The following CELSR3 variants were observed in gnomAD, a reference collection of about 807,000 sequenced individuals.
The protein encoded by CELSR3 is cadherin EGF LAG seven-pass G-type receptor 3.
In CELSR3, 73 loss-of-function variants were observed where a neutral mutation model predicts 270.0. That is an observed-to-expected ratio of 0.27 (90% confidence interval 0.22 to 0.33). CELSR3 has a LOEUF of 0.33. Among genes scored for constraint, CELSR3 ranks in the 10% least tolerant of loss-of-function variants. CELSR3 has a pLI of 1.00. For missense variants in CELSR3, 3,614 were observed against 4,533.8 expected, an observed-to-expected ratio of 0.80 and a Z score of 5.83; for synonymous variants, 1,780 against 1,905.4, an observed-to-expected ratio of 0.93 and a Z score of 1.71.
In CELSR3 at chr3:48,647,870, G is replaced by A; in HGVS notation, c.7100C>T (p.Ser2367Phe). ...AGATGGGGATGGCCGTGGGGACTGGGAAGGCAGCAGCACATGGGTGTGAGG... is the reference window on the plus strand; with the variant it reads ...AGATGGGGATGGCCGTGGGGACTGGAAAGGCAGCAGCACATGGGTGTGAGG... ...WDPHTHVLLPSQSPRPSPSEV... is the reference protein window; with the variant it reads ...WDPHTHVLLPFQSPRPSPSEV... Residue 2367 changes from serine to phenylalanine, a missense_variant, in exon 20 of 35, where the codon TCC becomes TTC. By Grantham distance (155) the Ser-to-Phe change is radical. Transcript: ENST00000164024. 1 of 1,611,206 alleles carries A rather than the reference G, an allele frequency of 6.2e-7. No individual in the cohort carries two copies. The highest frequency in any genetic ancestry group is 8.5e-7 in the Non-Finnish European group (1 of 1,179,590).
chr3:48,638,600 CCTA>C (rs1379055821), intron 34 of CELSR3, among the ~76,000 whole-genome samples: 2 of 152,138 alleles, frequency 1.3e-5, no homozygotes, highest in Non-Finnish European at 2.9e-5. Flanking sequence ...CTTGCCTCTG[CCTA>C]AGGTCACGCA....
At position 48,640,128 on chromosome 3, in the gene CELSR3, A is replaced by G. The variant is rs766250507; in HGVS notation, c.9457T>C (p.Leu3153=). 2.5e-6 allele frequency: 4 copies of G among 1,612,126 alleles called. No homozygotes were observed. The highest frequency in any genetic ancestry group is 2.2e-5 in the South Asian group (2 of 91,082). ...CGGCGGGGCGGAGGCAGCGTGCTCA[A>G]CCACTCTCGAGGTGCCCCTAAGTCG... ...ALDLGAPREW[L]STLPPPRRTR... Residue 3153 remains leucine (L), a synonymous_variant, in exon 34 of 35, where the codon TTG becomes CTG. Coordinates refer to ENST00000164024, the MANE Select transcript of CELSR3 (RefSeq NM_001407.3). The surrounding 1 kb of genome is among the most constrained non-coding windows in gnomAD (Gnocchi z 7.5).
In CELSR3 at chr3:48,660,217, G is replaced by T. The variant is rs746335671; in HGVS notation, c.2418C>A (p.Thr806=). 6.2e-7 allele frequency: 1 copy of T among 1,614,120 alleles called. No homozygotes were observed. The highest frequency in any genetic ancestry group is 1.7e-5 in the Admixed American group (1 of 60,012). The change falls in exon 1 of 35, where the codon ACC becomes ACA. Residue 806 remains threonine, a synonymous_variant. Coordinates refer to ENST00000164024, the MANE Select transcript of CELSR3 (RefSeq NM_001407.3). This position sits in a 1 kb window ranked among gnomAD's most constrained non-coding sequence, Gnocchi z 5.5. ...GNTRNRFAIS[T]QGGVGLVTLA... ...GAGTCACCAGACCCACACCCCCCTG[G>T]GTGCTGATGGCAAAGCGATTCCGGG... is the stretch of plus-strand genomic sequence containing the variant.
In CELSR3 at chr3:48,658,899, C is replaced by G. The variant is rs372577763; in HGVS notation, c.3736G>C (p.Val1246Leu). Reference protein sequence around the residue: ...NNRPLVASMLVTVTDGLHSVT... With the variant: ...NNRPLVASMLLTVTDGLHSVT... ...CCCTGCCCCTCACCTGTGACAGTCA[C>G]CAACATGGAGGCCACCAGTGGGCGG... The change falls in exon 1 of 35, where the codon GTG becomes CTG. Residue 1246 changes from valine (V) to leucine (L), a missense_variant. Val to Leu is a conservative substitution (Grantham distance 32). Coordinates refer to ENST00000164024, the MANE Select transcript of CELSR3 (RefSeq NM_001407.3). This position sits in a 1 kb window ranked among gnomAD's most constrained non-coding sequence, Gnocchi z 4.7. 6.2e-7 allele frequency: 1 copy of G among 1,613,440 alleles called. No homozygotes were observed. Among genetic ancestry groups the G allele is most frequent in the African/African-American group, 1.3e-5 (1 of 74,930 alleles).
rs1217121769 is a variant in CELSR3, at chr3:48,658,956, C to T, written c.3679G>A (p.Glu1227Lys). The T allele has an allele frequency of 4.3e-6, 7 of 1,614,068 alleles. No homozygotes were observed. Among genetic ancestry groups the T allele is most frequent in the African/African-American group, 1.3e-5 (1 of 74,934 alleles). The change falls in exon 1 of 35, where the codon GAG becomes AAG. Residue 1227 changes from glutamate to lysine, a missense_variant. Around this residue, in one of 7 missense-constraint regions of CELSR3, gnomAD observed 1,331 missense variants for 1,933.7 expected, o/e 0.69. Coordinates refer to ENST00000164024, the MANE Select transcript of CELSR3 (RefSeq NM_001407.3). The surrounding 1 kb of genome is among the most constrained non-coding windows in gnomAD (Gnocchi z 4.7). The part of the protein sequence containing the change: ...QLLVVNQTSG[E>K]LRLSRKLDNN... ...TCTAGCTTTCGGCTGAGTCGCAGCT[C>T]CCCACTGGTCTGGTTGACTACCAGC... is the stretch of plus-strand genomic sequence containing the variant.
chr3:48,637,639 A>T lies in CELSR3; in HGVS notation c.*566T>A, dbSNP rs572270271. On this transcript the variant is annotated 3_prime_UTR_variant, in exon 35 of 35. Coordinates refer to ENST00000164024, the MANE Select transcript of CELSR3 (RefSeq NM_001407.3). ...GGAGGGGCGGTATGAGCAAGCCCCC[A>T]TGAGGAAGTCAGAGGACCCCTGTTT... The T allele has an allele frequency of 1.3e-5, 2 of 156,020 alleles. No individual in the cohort carries two copies. The highest frequency in any genetic ancestry group is 3.7e-4 in the East Asian group (2 of 5,334). 9.7% of individuals were successfully genotyped at this position (156,020 alleles called of 1,614,324 possible). A position where few individuals can be genotyped will look rare whatever the true frequency, so the allele number is the denominator to read the frequency against.
Position 48,654,580 on chromosome 3 carries a change from C to T in CELSR3, c.4989-128G>A. On this transcript the variant is annotated intron_variant, in intron 6 of 34. Transcript: ENST00000164024. The surrounding 1 kb of genome is among the most constrained non-coding windows in gnomAD (Gnocchi z 5.4). ...ATTGAGGGAGGAAAATAAGGCCGAG[C>T]TGTGGAAGGAGTTAGGATCTTACTT... The T allele has an allele frequency of 1.3e-6, 1 of 779,232 alleles. No individual in the cohort carries two copies. The highest frequency in any genetic ancestry group is 1.9e-5 in the South Asian group (1 of 52,870). The allele number at this position is 779,232 out of a possible 1,614,324, so 48.3% of individuals were successfully genotyped here.
Position 48,642,490 on chromosome 3 carries a change from A to T in CELSR3, c.8556-23T>A. 6.2e-7 allele frequency: 1 copy of T among 1,605,456 alleles called. No homozygotes were observed. The highest frequency in any genetic ancestry group is 8.5e-7 in the Non-Finnish European group (1 of 1,175,876). On this transcript the variant is annotated intron_variant, in intron 30 of 34. Transcript: ENST00000164024. This position sits in a 1 kb window ranked among gnomAD's most constrained non-coding sequence, Gnocchi z 6.1. ...TCCCTGGAAAAGCAGGAGCCCCCCC[A>T]CCATGAAAGAGGGATGTGATGGGGT...
In CELSR3 at chr3:48,659,175, T is replaced by C. The variant is rs2077045659; in HGVS notation, c.3460A>G (p.Thr1154Ala). 2 of 1,614,066 alleles carry C rather than the reference T, an allele frequency of 1.2e-6. No individual in the cohort carries two copies. Among genetic ancestry groups the C allele is most frequent in the African/African-American group, 2.7e-5 (2 of 74,920 alleles). Residue 1154 changes from threonine (T) to alanine (A), a missense_variant, in exon 1 of 35, where the codon ACT becomes GCT. This residue lies in a region of CELSR3 where 1,331 missense variants were observed against 1,933.7 expected (regional missense o/e 0.69). Coordinates refer to ENST00000164024, the MANE Select transcript of CELSR3 (RefSeq NM_001407.3). This position sits in a 1 kb window ranked among gnomAD's most constrained non-coding sequence, Gnocchi z 8.1. ...ATSAPLVSRA[T>A]VHVRLVDQND... ...TGGTCAACCAGGCGGACGTGCACAG[T>C]GGCCCGGCTGACCAAAGGAGCAGAT...
rs372480143 is a variant in CELSR3 at position 48,653,598 on chromosome 3, G to T, written c.5448+21C>A. ...AAGAGACTGAGAACTGAGGGTATAG[G>T]GGTGAGCAGGGTGGACACACCTGGC... On this transcript the variant is annotated intron_variant, in intron 9 of 34. Transcript: ENST00000164024. This position sits in a 1 kb window ranked among gnomAD's most constrained non-coding sequence, Gnocchi z 6.5. 11 of 1,611,368 alleles carry T rather than the reference G, an allele frequency of 6.8e-6. No individual in the cohort carries two copies. Among genetic ancestry groups the T allele is most frequent in the Non-Finnish European group, 9.3e-6 (11 of 1,178,216 alleles).
At position 48,653,204 on chromosome 3, in the gene CELSR3, A is replaced by G. The variant is rs765287655; in HGVS notation, c.5449-17T>C. On this transcript the variant is annotated splice_polypyrimidine_tract_variant and intron_variant, in intron 9 of 34. Coordinates refer to ENST00000164024, the MANE Select transcript of CELSR3 (RefSeq NM_001407.3). The surrounding 1 kb of genome is among the most constrained non-coding windows in gnomAD (Gnocchi z 6.5). ...CCGATCTAGCTGTGGGCAGAGATGC[A>G]TAGCCCTGGGGTTAGAGCCCCATGT... 2 of 1,611,662 alleles carry G rather than the reference A, an allele frequency of 1.2e-6. No individual in the cohort carries two copies. The highest frequency in any genetic ancestry group is 2.2e-5 in the East Asian group (1 of 44,872).
Position 48,637,936 on chromosome 3 carries a change from G to T in CELSR3, c.*269C>A. On this transcript the variant is annotated 3_prime_UTR_variant, in exon 35 of 35. Coordinates refer to ENST00000164024, the MANE Select transcript of CELSR3 (RefSeq NM_001407.3). ...CCAGCCTCAAACCCCCCAGGAGACA[G>T]AAAAGCTGAAAAATAACATAAGCAT... 1 of 415,948 alleles carries T rather than the reference G, an allele frequency of 2.4e-6. No homozygotes were observed. The allele number at this position is 415,948 out of a possible 1,614,324, so 25.8% of individuals were successfully genotyped here.
Position 48,647,838 on chromosome 3 carries a change from C to A in CELSR3, c.7129+3G>T, listed in dbSNP as rs772355565. ...GGCCCAGGGGTCCCCTAGGGGCTCT[C>A]ACCTTCAGATGGGGATGGCCGTGGG... is the stretch of plus-strand genomic sequence containing the variant. On this transcript the variant is annotated splice_donor_region_variant and intron_variant, in intron 20 of 34. Coordinates refer to ENST00000164024, the MANE Select transcript of CELSR3 (RefSeq NM_001407.3). 1.2e-6 allele frequency: 2 copies of A among 1,608,382 alleles called. No individual in the cohort carries two copies. The highest frequency in any genetic ancestry group is 1.7e-4 in the Middle Eastern group (1 of 5,958).
chr3:48,648,763 G>C lies in CELSR3; in HGVS notation c.6733C>G (p.Gln2245Glu). The C allele has an allele frequency of 6.2e-7, 1 of 1,612,878 alleles. No individual in the cohort carries two copies. Among genetic ancestry groups the C allele is most frequent in the South Asian group, 1.1e-5 (1 of 91,078 alleles). Reference protein sequence around the residue: ...AHLLAFESHQQGFGLTATQDA... With the variant: ...AHLLAFESHQEGFGLTATQDA... The stretch of plus-strand genomic sequence containing the variant: ...TGTGTGGCTGTCAGCCCGAAGCCCT[G>C]CTGATGGCTCTCGAAGGCCAGCAGG... The change falls in exon 18 of 35, where the codon CAG becomes GAG. Residue 2245 changes from glutamine to glutamate, a missense_variant. Physicochemically the swap from Gln to Glu is conservative, Grantham distance 29. Around this residue, in one of 7 missense-constraint regions of CELSR3, gnomAD observed 1,331 missense variants for 1,933.7 expected, o/e 0.69. Coordinates refer to ENST00000164024, the MANE Select transcript of CELSR3 (RefSeq NM_001407.3).
In CELSR3 at chr3:48,654,087, C is replaced by A. The variant is rs547907297; in HGVS notation, c.5153-84G>T. The A allele has an allele frequency of 7.0e-6, 11 of 1,560,572 alleles. No homozygotes were observed. The Admixed American group carries it at 1.5e-4, about 21-fold the overall frequency. On this transcript the variant is annotated intron_variant, in intron 7 of 34. Coordinates refer to ENST00000164024, the MANE Select transcript of CELSR3 (RefSeq NM_001407.3). This position sits in a 1 kb window ranked among gnomAD's most constrained non-coding sequence, Gnocchi z 5.4. The stretch of plus-strand genomic sequence containing the variant: ...GACAGGACTTTAGTGTCCAGAGGGG[C>A]TGAAAGAGACCAAGATCTCAGCCCC...
rs143958970 is a variant in CELSR3 at position 48,655,162 on chromosome 3, T to C, written c.4870A>G (p.Lys1624Glu). 258 of 1,613,914 alleles carry C rather than the reference T, an allele frequency of 1.6e-4. 2 individuals are homozygous for C. In the African/African-American group the frequency reaches 3.0e-3, roughly 19 times the overall value. Residue 1624 changes from lysine (K) to glutamate (E), a missense_variant, in exon 6 of 35, where the codon AAG becomes GAG. Around this residue, in one of 7 missense-constraint regions of CELSR3, gnomAD observed 1,331 missense variants for 1,933.7 expected, o/e 0.69. Coordinates refer to ENST00000164024, the MANE Select transcript of CELSR3 (RefSeq NM_001407.3). This position sits in a 1 kb window ranked among gnomAD's most constrained non-coding sequence, Gnocchi z 5.8. ...DALGGAQGPS[K>E]DKVAVLSVDD... ...ACGCTTAGCACAGCCACCTTGTCCT[T>C]GGAGGGGCCCTGTGCACCCCCTAGG...
In CELSR3 at chr3:48,654,470, G is replaced by A; in HGVS notation, c.4989-18C>T. 2 of 1,555,674 alleles carry A rather than the reference G, an allele frequency of 1.3e-6. No individual in the cohort carries two copies. The highest frequency in any genetic ancestry group is 1.7e-4 in the Middle Eastern group (1 of 5,752). On this transcript the variant is annotated intron_variant, in intron 6 of 34. Coordinates refer to ENST00000164024, the MANE Select transcript of CELSR3 (RefSeq NM_001407.3). This position sits in a 1 kb window ranked among gnomAD's most constrained non-coding sequence, Gnocchi z 5.4. ...CCAGGGACCTGGGGATCAGGGGTCT[G>A]GGTCATTGGTGGGACTGGGGCCAGA... is the stretch of plus-strand genomic sequence containing the variant.
At chr3:48,638,566 T>A (rs2046993961) in intron 34 of CELSR3, among the ~76,000 whole-genome samples, 1 of 152,136 alleles carries the variant, frequency 6.6e-6, no homozygotes, top group Admixed American at 6.5e-5. Flanking sequence ...TCTTTACAGA[T>A]GAGGAAACTG....
Position 48,662,140 on chromosome 3 carries a change from C to G in CELSR3, c.495G>C (p.Ser165=). The change falls in exon 1 of 35, where the codon TCG becomes TCC. Residue 165 remains serine, a synonymous_variant. Transcript: ENST00000164024. The surrounding 1 kb of genome is among the most constrained non-coding windows in gnomAD (Gnocchi z 7.1). The part of the protein sequence containing the change: ...PGALSSGVPG[S]GNSSPLPSDF... ...CTGAAGGGAGGGGCGAGCTGTTCCC[C>G]GAGCCCGGGACCCCTGAGGACAGAG... 1 of 1,612,908 alleles carries G rather than the reference C, an allele frequency of 6.2e-7. No homozygotes were observed. Among genetic ancestry groups the G allele is most frequent in the Non-Finnish European group, 8.5e-7 (1 of 1,179,632 alleles).
Sources: allele counts gnomAD v4.1 joint callset (sites outside exome capture counted in the v4.1 genomes callset), GRCh38; gene constraint gnomAD v4.1.1; regional missense constraint gnomAD v4.1.1; non-coding constraint Gnocchi (gnomAD v3.1); transcripts MANE v1.5; gene names NCBI Gene and HGNC (gene_info 2026-07-23, HGNC 2026-07-21).